Variants in DOCK3 observed in about 807,000 individuals in gnomAD.
DOCK3 encodes dedicator of cytokinesis protein 3.
Under a neutral mutation model 265.6 loss-of-function variants are expected in DOCK3, and 60 were observed. That is an observed-to-expected ratio of 0.23 (90% CI 0.18 to 0.28). DOCK3 has a LOEUF of 0.28. Ranked by LOEUF, DOCK3 falls within the 10% of genes least tolerant of loss-of-function variation. The probability of loss-of-function intolerance (pLI) is 1.00; values close to 1 mark genes in which losing one functional copy is unlikely to be tolerated. For synonymous variants in DOCK3, 881 were observed against 938.0 expected (o/e 0.94, Z 1.11); for missense variants, 1,981 against 2,594.3 (o/e 0.76, Z 5.14).
chr3:51,355,115 A>G, intron 41 of DOCK3, 92 bp downstream of exon 41: 2 of 1,492,530 alleles, frequency 1.3e-6, no homozygotes, highest in East Asian at 2.4e-5. Flanking sequence ...ATTGCCAACC[A>G]TACAGGTTTA....
At chr3:50,879,538 A>G (rs2047914929) in intron 3 of DOCK3, among the ~76,000 whole-genome samples, 1 of 152,234 alleles carries the variant, frequency 6.6e-6, no homozygotes, top group Admixed American at 6.5e-5. Context: ...AAAGAAGGGC[A>G]TTACATAATG....
intron 4 of DOCK3, among the ~76,000 whole-genome samples, chr3:50,902,394 A>G (rs1261844305): frequency 1.3e-5 from 2 of 152,210 alleles, no homozygotes; most frequent in African/African-American, 4.8e-5. Context: ...AATTTTCTGC[A>G]TATGGCTAGC....
At chr3:51,000,880 T>A (rs770698285) in intron 5 of DOCK3, among the ~76,000 whole-genome samples, 4 of 152,244 alleles carry the variant, frequency 2.6e-5, no homozygotes, top group Non-Finnish European at 5.9e-5. Flanking sequence ...CTTGAACTCC[T>A]GACCTCAGGT....
intron 32 of DOCK3, among the ~76,000 whole-genome samples, chr3:51,326,384 C>G (rs1320440567): frequency 3.3e-5 from 5 of 151,616 alleles, no homozygotes; most frequent in Non-Finnish European, 7.4e-5. Flanking sequence ...CCTCAGCCTC[C>G]TGAGTAGCTG....
At chr3:50,679,081 G>A (rs2034199907) in intron 1 of DOCK3, among the ~76,000 whole-genome samples, 1 of 152,172 alleles carries the variant, frequency 6.6e-6, no homozygotes, top group African/African-American at 2.4e-5. Flanking sequence ...CCGAAGTGCT[G>A]GGATTACAGG....
rs780083843 is a variant in DOCK3 at position 51,228,010 on chromosome 3, T to C, written c.1569T>C (p.Phe523=). The part of the protein sequence containing the change: ...STKDKGEKKL[F]GFAFSTLMRD... Reference sequence around the variant, plus strand: ...AGGACAAAGGGGAAAAGAAACTCTTTGGCTTTGCATTCTCAACCCTGATGC... The same window carrying C: ...AGGACAAAGGGGAAAAGAAACTCTTCGGCTTTGCATTCTCAACCCTGATGC... Residue 523 remains phenylalanine (F), a synonymous_variant, in exon 17 of 53, where the codon TTT becomes TTC. Transcript: ENST00000266037. The C allele has an allele frequency of 6.2e-7, 1 of 1,614,052 alleles. No individual in the cohort carries two copies. The highest frequency in any genetic ancestry group is 1.1e-5 in the South Asian group (1 of 91,082).
intron 5 of DOCK3, among the ~76,000 whole-genome samples, chr3:51,027,011 GTTA>G (rs1559960477): frequency 6.6e-6 from 1 of 151,544 alleles, no homozygotes; most frequent in Non-Finnish European, 1.5e-5. Flanking sequence ...TTTTTATTTA[GTTA>G]TTATATTTCT....
chr3:50,949,797 C>T (rs35875816), intron 5 of DOCK3, among the ~76,000 whole-genome samples: 14,357 of 152,130 alleles, frequency 0.094, 836 homozygotes, highest in Non-Finnish European at 0.12. Flanking sequence ...TTCCCCTTTA[C>T]ATAGCTAGTG....
chr3:51,060,066 T>C (rs149039570), intron 5 of DOCK3, among the ~76,000 whole-genome samples: 173 of 152,250 alleles, frequency 1.1e-3, no homozygotes, highest in Non-Finnish European at 2.1e-3. Context: ...TCTCCACTTC[T>C]TCCTCTCACA....
chr3:50,764,470 C>G (rs760545711), intron 1 of DOCK3, among the ~76,000 whole-genome samples: 15 of 152,086 alleles, frequency 9.9e-5, no homozygotes, highest in Admixed American at 5.2e-4. Flanking sequence ...TTTACAGATA[C>G]TACACCATTT....
chr3:51,020,818 A>T (rs2079553105), intron 5 of DOCK3, among the ~76,000 whole-genome samples: 1 of 151,826 alleles, frequency 6.6e-6, no homozygotes, highest in Non-Finnish European at 1.5e-5. Flanking sequence ...TTTCTGTTCC[A>T]TGGGTCTATG....
chr3:50,680,949 CAGA>C (rs2034366345), intron 1 of DOCK3, among the ~76,000 whole-genome samples: 1 of 152,120 alleles, frequency 6.6e-6, no homozygotes, highest in South Asian at 2.1e-4. Context: ...CTTTGCTGTG[CAGA>C]AGCTTTTAGT....
At chr3:50,728,957 C>T (rs2038011622) in intron 1 of DOCK3, among the ~76,000 whole-genome samples, 1 of 148,740 alleles carries the variant, frequency 6.7e-6, no homozygotes, top group African/African-American at 2.5e-5. Flanking sequence ...CTCCTGACCT[C>T]TAGTGATCTG....
Position 51,159,282 on chromosome 3 carries a change from C to T in DOCK3, c.867C>T (p.Ile289=), listed in dbSNP as rs200460488. The change falls in exon 11 of 53, where the codon ATC becomes ATT. Residue 289 remains isoleucine (I), a synonymous_variant. Coordinates refer to ENST00000266037, the MANE Select transcript of DOCK3 (RefSeq NM_004947.5). ...AAGATATGAAGAGAGATTTGTATATCGTTGCCCATGTGATCCGAATAGGTA... is the reference window on the plus strand; with the variant it reads ...AAGATATGAAGAGAGATTTGTATATTGTTGCCCATGTGATCCGAATAGGTA... ...SSKDMKRDLY[I]VAHVIRIGRM... is the part of the protein sequence containing the mutation. 1.7e-5 allele frequency: 28 copies of T among 1,613,320 alleles called. No individual in the cohort carries two copies. Among genetic ancestry groups the T allele is most frequent in the Middle Eastern group, 1.7e-4 (1 of 6,056 alleles).
chr3:50,842,837 AT>A (rs1396619887), intron 3 of DOCK3, among the ~76,000 whole-genome samples: 1 of 152,204 alleles, frequency 6.6e-6, no homozygotes, highest in East Asian at 1.9e-4. Flanking sequence ...TTGATTTAAA[AT>A]TGTTGAAAAG....
chr3:51,108,510 G>A (rs375156081), intron 9 of DOCK3, among the ~76,000 whole-genome samples: 28 of 151,980 alleles, frequency 1.8e-4, no homozygotes, highest in African/African-American at 6.3e-4. Context: ...AAATAAACAC[G>A]AACACAGGAT....
intron 5 of DOCK3, among the ~76,000 whole-genome samples, chr3:51,057,249 G>A (rs1368898947): frequency 6.6e-6 from 1 of 152,106 alleles, no homozygotes; most frequent in Non-Finnish European, 1.5e-5. Context: ...ATTGTACTTG[G>A]CATGCGTTTG....
At chr3:51,054,247 T>G (rs904311897) in intron 5 of DOCK3, among the ~76,000 whole-genome samples, 3 of 152,134 alleles carry the variant, frequency 2.0e-5, no homozygotes, top group African/African-American at 7.2e-5. Context: ...ATATACTTCT[T>G]TGTTACAAAT....
At chr3:51,342,111 G>A (rs1347222249) in intron 38 of DOCK3, among the ~76,000 whole-genome samples, 1 of 152,234 alleles carries the variant, frequency 6.6e-6, no homozygotes, top group Non-Finnish European at 1.5e-5. Context: ...TCATGGAACT[G>A]TAGTAGCTGA....
Sources: allele counts gnomAD v4.1 joint callset (sites outside exome capture counted in the v4.1 genomes callset), GRCh38; gene constraint gnomAD v4.1.1; transcripts MANE v1.5; gene names NCBI Gene and HGNC (gene_info 2026-07-23, HGNC 2026-07-21).